The following AASS variants were observed in gnomAD, a reference collection of about 807,000 sequenced individuals.
The protein encoded by AASS is alpha-aminoadipic semialdehyde synthase, mitochondrial.
Under a neutral mutation model 105.4 loss-of-function variants are expected in AASS, and 86 were observed. The observed-to-expected ratio is 0.82, with a 90% CI of 0.69 to 0.98. AASS has a LOEUF of 0.98. Among genes scored for constraint, AASS ranks in the 50% least tolerant of loss-of-function variants. The probability of loss-of-function intolerance (pLI) is 0.00; values close to 1 mark genes in which losing one functional copy is unlikely to be tolerated. For synonymous variants in AASS, 381 were observed against 394.8 expected (o/e 0.96, Z 0.41); for missense variants, 1,048 against 1,143.2 (o/e 0.92, Z 1.20).
chr7:122,085,540 A>G (rs1793581047), intron 19 of AASS, among the ~76,000 whole-genome samples: 2 of 152,092 alleles, frequency 1.3e-5, no homozygotes, highest in Admixed American at 1.3e-4. Context: ...GACATATAAC[A>G]TAGGCCAAAG....
At chr7:122,099,084 T>C (rs1255716285) in intron 13 of AASS, among the ~76,000 whole-genome samples, 1 of 151,826 alleles carries the variant, frequency 6.6e-6, no homozygotes, top group Non-Finnish European at 1.5e-5. Flanking sequence ...TGAAGAACAA[T>C]AGACCTGACA....
chr7:122,115,194 T>C lies in AASS; in HGVS notation c.923A>G (p.Asn308Ser), dbSNP rs760388843. 5 of 1,614,134 alleles carry C rather than the reference T, an allele frequency of 3.1e-6. No homozygotes were observed. Among genetic ancestry groups the C allele is most frequent in the Non-Finnish European group, 8.5e-7 (1 of 1,180,010 alleles). Residue 308 changes from asparagine to serine, a missense_variant, in exon 9 of 24, where the codon AAT becomes AGT. By Grantham distance (46) the Asn-to-Ser change is conservative. Coordinates refer to ENST00000417368, the MANE Select transcript of AASS (RefSeq NM_005763.4). ...AGTGTTTTGTTCCCAGTAGATTCCA[T>C]TAATTAAGCAAGTTGTATAGGGTGC... ...DIAPYTTCLI[N>S]GIYWEQNTPR...
intron 4 of AASS, 89 bp downstream of exon 4, chr7:122,126,286 C>T (rs771009007): frequency 8.9e-6 from 10 of 1,120,332 alleles, no homozygotes; most frequent in Non-Finnish European, 9.6e-6. Context: ...AATAAACACT[C>T]CTATCCCCTT....
chr7:122,100,971 G>A (rs538873777), intron 13 of AASS, among the ~76,000 whole-genome samples: 1 of 151,906 alleles, frequency 6.6e-6, no homozygotes, highest in Admixed American at 6.6e-5. Flanking sequence ...ACAAAAGAGA[G>A]TCCAAATCCT....
Position 122,129,350 on chromosome 7 carries a change from T to C in AASS, c.387+11A>G. The C allele has an allele frequency of 6.6e-7, 1 of 1,518,844 alleles. No individual in the cohort carries two copies. The highest frequency in any genetic ancestry group is 8.9e-7 in the Non-Finnish European group (1 of 1,124,278). 94.1% of individuals were successfully genotyped at this position (1,518,844 alleles called of 1,614,324 possible). ...CTACATTAATATTTATAAATATTAA[T>C]CACTAATTACCTGTTTTAGAATCTC... On this transcript the variant is annotated intron_variant, in intron 3 of 23. Transcript: ENST00000417368.
rs2302338 is a variant in AASS, at chr7:122,126,584, A to T, written c.388-125T>A. The T allele has an allele frequency of 0.17, 134,695 of 806,144 alleles. 12,316 individuals carry two copies. The highest frequency in any genetic ancestry group is 0.26 in the South Asian group (18,566 of 72,154). The allele number at this position is 806,144 out of a possible 1,614,324, so 49.9% of individuals were successfully genotyped here. A position where few individuals can be genotyped will look rare whatever the true frequency, so the allele number is the denominator to read the frequency against. ...GAAATACACCTTAACTTGCTAACAG[A>T]AGCTACCATCAGGTATACCATGAAA... On this transcript the variant is annotated intron_variant, in intron 3 of 23. Coordinates refer to ENST00000417368, the MANE Select transcript of AASS (RefSeq NM_005763.4).
At chr7:122,091,487 A>G (rs1477506571) in intron 18 of AASS, among the ~76,000 whole-genome samples, 1 of 152,214 alleles carries the variant, frequency 6.6e-6, no homozygotes, top group Non-Finnish European at 1.5e-5. Flanking sequence ...AACTTGCAAG[A>G]AGGCCTAGGG....
intron 11 of AASS, among the ~76,000 whole-genome samples, chr7:122,102,091 T>G (rs2150524756): frequency 6.6e-6 from 1 of 151,918 alleles, no homozygotes; most frequent in African/African-American, 2.4e-5. Flanking sequence ...AGAATGAGGT[T>G]TTCCACTCAG....
chr7:122,073,640 A>T lies in AASS; in HGVS notation c.*2849T>A, dbSNP rs919177858. ...AGTATACAATTCAGTGGTTTTTAGTATATTCAGAGTTGTGCCACCATTACC... is the reference window on the plus strand; with the variant it reads ...AGTATACAATTCAGTGGTTTTTAGTTTATTCAGAGTTGTGCCACCATTACC... On this transcript the variant is annotated 3_prime_UTR_variant, in exon 24 of 24. Coordinates refer to ENST00000417368, the MANE Select transcript of AASS (RefSeq NM_005763.4). 1.3e-5 allele frequency among the ~76,000 whole-genome samples: 2 copies of T among 152,204 alleles called. No individual in the cohort carries two copies. Among genetic ancestry groups the T allele is most frequent in the African/African-American group, 4.8e-5 (2 of 41,470 alleles).
chr7:122,101,216 C>A (rs759646940), intron 13 of AASS, among the ~76,000 whole-genome samples, 155 bp downstream of exon 13: 5 of 151,854 alleles, frequency 3.3e-5, no homozygotes, highest in African/African-American at 4.8e-5. Context: ...TTCAGCCAGC[C>A]ACTTAGTTTG....
Position 122,079,611 on chromosome 7 carries a change from C to A in AASS, c.2382G>T (p.Leu794Phe). ...TGGGTGCCTACCATTCAGCAGCCTC[C>A]AACTGGGTATTGTCTCCTCCTAGTT... ...LKKLGGDNTQ[L>F]EAAEWLGLLG... The change falls in exon 21 of 24, where the codon TTG becomes TTT. Residue 794 changes from leucine to phenylalanine, a missense_variant. Leu to Phe is a conservative substitution (Grantham distance 22). Transcript: ENST00000417368. 1 of 1,613,074 alleles carries A rather than the reference C, an allele frequency of 6.2e-7. No homozygotes were observed. The highest frequency in any genetic ancestry group is 8.5e-7 in the Non-Finnish European group (1 of 1,179,112).
intron 4 of AASS, among the ~76,000 whole-genome samples, chr7:122,120,409 C>A (rs1220459909): frequency 6.6e-6 from 1 of 151,958 alleles, no homozygotes; most frequent in African/African-American, 2.4e-5. Context: ...ATAGTGATGG[C>A]CCCCTAGTAT....
At chr7:122,103,128 C>A (rs1401224474) in intron 11 of AASS, among the ~76,000 whole-genome samples, 1 of 151,952 alleles carries the variant, frequency 6.6e-6, no homozygotes, top group Non-Finnish European at 1.5e-5. Context: ...TGAAGCTCAA[C>A]AATCTCCAAA....
intron 18 of AASS, among the ~76,000 whole-genome samples, chr7:122,086,920 A>G (rs570693912): frequency 6.6e-6 from 1 of 152,296 alleles, no homozygotes. Context: ...TCAAAATGCA[A>G]TGAAGGATTT....
rs1795057708 is a variant in AASS, at chr7:122,114,059, G to A, written c.1044-339C>T. On this transcript the variant is annotated intron_variant, in intron 9 of 23. Transcript: ENST00000417368. ...AAATAACTCAGAAAGGTTCAATTAT[G>A]CTACCTCCACCCTGCTTAGTACTGT... Among the ~76,000 whole-genome samples the A allele has an allele frequency of 2.0e-5, 3 of 152,082 alleles. No homozygotes were observed. The South Asian group carries it at 6.2e-4, about 31-fold the overall frequency.
At chr7:122,111,833 G>C (rs1450012884) in intron 11 of AASS, among the ~76,000 whole-genome samples, 3 of 152,110 alleles carry the variant, frequency 2.0e-5, no homozygotes, top group Non-Finnish European at 4.4e-5. Flanking sequence ...GAACCTGGGA[G>C]GTGGAGGTTG....
chr7:122,098,640 CA>C, intron 14 of AASS, 64 bp from the exon 15 acceptor site: 1 of 1,579,576 alleles, frequency 6.3e-7, no homozygotes, highest in Non-Finnish European at 8.6e-7. Flanking sequence ...TTAACATCTC[CA>C]AAAATAAATT....
chr7:122,133,842 A>G, intron 1 of AASS, 101 bp from the exon 2 acceptor site: 1 of 994,652 alleles, frequency 1.0e-6, no homozygotes, highest in Non-Finnish European at 1.6e-6. Context: ...ACCCGCTCTT[A>G]TGAAAACAGA....
chr7:122,078,793 C>G, intron 22 of AASS, 69 bp downstream of exon 22: 2 of 1,460,366 alleles, frequency 1.4e-6, no homozygotes, highest in Non-Finnish European at 1.9e-6. Flanking sequence ...CCCTCCAATA[C>G]GATTATCTGC....
Sources: allele counts gnomAD v4.1 joint callset (sites outside exome capture counted in the v4.1 genomes callset), GRCh38; gene constraint gnomAD v4.1.1; transcripts MANE v1.5; gene names NCBI Gene and HGNC (gene_info 2026-07-23, HGNC 2026-07-21).